The following SIPA1L3 variants were observed in gnomAD, a reference collection of about 807,000 sequenced individuals.
SIPA1L3 encodes signal-induced proliferation-associated 1-like protein 3.
In SIPA1L3, 59 loss-of-function variants were observed where a neutral mutation model predicts 150.1. The ratio of observed to expected loss-of-function variants is 0.39; its 90% CI spans 0.32 to 0.49. SIPA1L3 has a LOEUF of 0.49. Ranked by LOEUF, SIPA1L3 falls within the 20% of genes least tolerant of loss-of-function variation. SIPA1L3 has a pLI of 0.86. For missense variants in SIPA1L3, 2,211 were observed against 2,489.5 expected (o/e 0.89, Z 2.38); for synonymous variants, 1,070 against 1,077.6 (o/e 0.99, Z 0.14).
intron 9 of SIPA1L3, among the ~76,000 whole-genome samples, chr19:38,121,402 C>T (rs913016327): frequency 4.6e-5 from 7 of 151,500 alleles, no homozygotes; most frequent in African/African-American, 7.3e-5. Flanking sequence ...CACGCCACTG[C>T]GCTCCAGCCT....
intron 9 of SIPA1L3, among the ~76,000 whole-genome samples, chr19:38,123,184 C>T (rs1600101347): frequency 6.6e-6 from 1 of 152,068 alleles, no homozygotes; most frequent in Non-Finnish European, 1.5e-5. Flanking sequence ...GTCCTCACTT[C>T]GCAGATGAGG....
intron 1 of SIPA1L3, among the ~76,000 whole-genome samples, chr19:37,953,896 T>G (rs954459881): frequency 6.6e-6 from 1 of 152,212 alleles, no homozygotes; most frequent in African/African-American, 2.4e-5. Flanking sequence ...TGATCATCGT[T>G]AAACATTTTT....
chr19:38,150,708 T>C (rs1037966299), intron 12 of SIPA1L3, among the ~76,000 whole-genome samples: 27 of 151,986 alleles, frequency 1.8e-4, no homozygotes, highest in African/African-American at 6.0e-4. Flanking sequence ...ACCTGGCTAA[T>C]TTTTATATTT....
At chr19:38,120,529 T>G (rs1269906887) in intron 9 of SIPA1L3, among the ~76,000 whole-genome samples, 3 of 151,722 alleles carry the variant, frequency 2.0e-5, no homozygotes, top group South Asian at 2.1e-4. Context: ...TAAAATAGAA[T>G]GAAAAATGTC....
chr19:38,052,435 G>A (rs144835649), intron 2 of SIPA1L3, among the ~76,000 whole-genome samples: 22 of 152,272 alleles, frequency 1.4e-4, no homozygotes, highest in African/African-American at 4.8e-4. Flanking sequence ...GGCCTCCTCC[G>A]CGTGAGATGC....
At chr19:37,913,070 G>A (rs1219619927) in intron 1 of SIPA1L3, among the ~76,000 whole-genome samples, 1 of 152,128 alleles carries the variant, frequency 6.6e-6, no homozygotes, top group Non-Finnish European at 1.5e-5. Flanking sequence ...GGCAGACCAA[G>A]TTCAAATCAC....
rs770374183 is a variant in SIPA1L3, at chr19:38,082,259, G to A, written c.694G>A (p.Ala232Thr). Residue 232 changes from alanine to threonine, a missense_variant, in exon 3 of 22, where the codon GCC becomes ACC. Physicochemically the swap from Ala to Thr is moderately conservative, Grantham distance 58. Transcript: ENST00000222345. ...LNEFRSEQPD[A>T]RGCQALTELL... ...CGAGTTCCGCAGCGAGCAGCCCGAC[G>A]CCCGAGGGTGCCAGGCCCTCACCGA... The A allele has an allele frequency of 1.9e-6, 3 of 1,600,522 alleles. No individual in the cohort carries two copies. Among genetic ancestry groups the A allele is most frequent in the Non-Finnish European group, 2.5e-6 (3 of 1,179,724 alleles).
chr19:38,158,408 A>G (rs1267942183), intron 13 of SIPA1L3, among the ~76,000 whole-genome samples: 2 of 152,184 alleles, frequency 1.3e-5, no homozygotes, highest in Non-Finnish European at 2.9e-5. Flanking sequence ...GGTGGTGGCG[A>G]TGAGGCCCAT....
chr19:38,002,082 C>T (rs543001049), intron 1 of SIPA1L3, among the ~76,000 whole-genome samples: 15 of 152,310 alleles, frequency 9.8e-5, no homozygotes, highest in South Asian at 2.1e-4. Context: ...ATGTACCTTA[C>T]GTGTGCAGTT....
chr19:38,157,145 G>A (rs1362463961), intron 13 of SIPA1L3, among the ~76,000 whole-genome samples: 2 of 152,172 alleles, frequency 1.3e-5, no homozygotes, highest in East Asian at 3.8e-4. Flanking sequence ...GGCCGACAGA[G>A]CAACACCTGT....
At chr19:38,029,839 A>T (rs141482922) in intron 2 of SIPA1L3, among the ~76,000 whole-genome samples, 1,640 of 140,102 alleles carry the variant, frequency 0.012, 32 homozygotes, top group African/African-American at 0.043. Context: ...CCTCAGGTGA[A>T]CTGCCCACCT....
intron 1 of SIPA1L3, among the ~76,000 whole-genome samples, chr19:37,984,855 T>C (rs1268891733): frequency 6.6e-6 from 1 of 152,262 alleles, no homozygotes; most frequent in Non-Finnish European, 1.5e-5. Context: ...TGGTGATCCC[T>C]GAAGAAGAGA....
At chr19:38,198,949 G>C (rs1463632914) in intron 19 of SIPA1L3, among the ~76,000 whole-genome samples, 1 of 152,160 alleles carries the variant, frequency 6.6e-6, no homozygotes, top group African/African-American at 2.4e-5. Context: ...CTGGGCGACA[G>C]TGCAAGACCC....
Position 38,082,701 on chromosome 19 carries a change from C to G in SIPA1L3, c.1136C>G (p.Ser379Trp). The change falls in exon 3 of 22, where the codon TCG (serine) becomes TGG (tryptophan). Residue 379 changes from serine to tryptophan, a missense_variant. By Grantham distance (177) the Ser-to-Trp change is radical (BLOSUM62 -3). Transcript: ENST00000222345. ...GGTGCTTCGGCCGCTTCCGCCGCCT[C>G]GGCCATGGCCTCCCTCACGGCCTCG... ...TTGASAASAA[S>W]AMASLTASRA... The G allele has an allele frequency of 6.2e-7, 1 of 1,610,244 alleles. No individual in the cohort carries two copies. The highest frequency in any genetic ancestry group is 8.5e-7 in the Non-Finnish European group (1 of 1,178,908).
chr19:38,195,374 C>T (rs931710260), intron 18 of SIPA1L3, among the ~76,000 whole-genome samples: 12 of 152,328 alleles, frequency 7.9e-5, no homozygotes, highest in African/African-American at 2.2e-4. Context: ...CCCTCCCCTG[C>T]GCTCCCTTCC....
intron 16 of SIPA1L3, among the ~76,000 whole-genome samples, chr19:38,187,715 C>CCAA (rs1972716795): frequency 1.7e-5 from 1 of 59,532 alleles, no homozygotes. Context: ...GACTCCGTCT[C>CCAA]AAAAAAAAAA....
intron 1 of SIPA1L3, among the ~76,000 whole-genome samples, chr19:37,966,847 C>T (rs1260889698): frequency 1.3e-5 from 2 of 152,112 alleles, no homozygotes; most frequent in African/African-American, 2.4e-5. Context: ...GGAGCAGCTC[C>T]CGCGAGGGCA....
intron 1 of SIPA1L3, among the ~76,000 whole-genome samples, chr19:37,938,630 T>TTTTTTTC (rs2046623557): frequency 6.6e-6 from 1 of 150,868 alleles, no homozygotes; most frequent in African/African-American, 2.4e-5. Flanking sequence ...TTTTCTTTTT[T>TTTTTTTC]TTTTTTTTTT....
chr19:38,088,018 AAAG>A (rs1395815231), intron 3 of SIPA1L3, among the ~76,000 whole-genome samples: 1 of 152,238 alleles, frequency 6.6e-6, no homozygotes, highest in African/African-American at 2.4e-5. Context: ...AAAGAAAAAA[AAAG>A]AAAAAAAGCA....
Sources: gnomAD v4.1 joint callset for allele counts (sites outside exome capture counted in the v4.1 genomes callset) on GRCh38, gnomAD v4.1.1 for gene constraint, MANE v1.5 for transcripts, NCBI Gene and HGNC (gene_info 2026-07-23, HGNC 2026-07-21) for gene names.